Variants in CREBRF observed in about 807,000 individuals in gnomAD.
CREBRF encodes UPF0474 protein C5orf41.
A neutral mutation model predicts 66.1 loss-of-function variants in CREBRF; 5 were observed. The ratio of observed to expected loss-of-function variants is 0.08; its 90% CI spans 0.04 to 0.16. CREBRF has a LOEUF of 0.16. Among genes scored for constraint, CREBRF ranks in the 10% least tolerant of loss-of-function variants. The pLI is 1.00. For missense variants in CREBRF, 531 were observed against 744.9 expected, an observed-to-expected ratio of 0.71 and a Z score of 3.34; for synonymous variants, 229 against 264.4, an observed-to-expected ratio of 0.87 and a Z score of 1.30.
chr5:173,127,173 T>C (rs1158743373), intron 8 of CREBRF, among the ~76,000 whole-genome samples: 2 of 149,744 alleles, frequency 1.3e-5, no homozygotes, highest in Non-Finnish European at 3.0e-5. Flanking sequence ...TTTTTTTTTT[T>C]TTTTTTTTTG....
intron 4 of CREBRF, among the ~76,000 whole-genome samples, chr5:173,107,503 G>A (rs1048425502): frequency 6.6e-6 from 1 of 152,144 alleles, no homozygotes; most frequent in African/African-American, 2.4e-5. Flanking sequence ...AAACAGTGAC[G>A]TTAATACAAA....
At chr5:173,069,907 A>ATTTTTT (rs112414901) in intron 1 of CREBRF, among the ~76,000 whole-genome samples, 1 of 145,850 alleles carries the variant, frequency 6.9e-6, no homozygotes, top group African/African-American at 2.5e-5. Flanking sequence ...GAAGGAAACA[A>ATTTTTT]TTTTTTTTTT....
rs1204844576 is a variant in CREBRF at position 173,108,629 on chromosome 5, G to A, written c.1228G>A (p.Glu410Lys). The A allele has an allele frequency of 6.2e-7, 1 of 1,603,680 alleles. No homozygotes were observed. Among genetic ancestry groups the A allele is most frequent in the Non-Finnish European group, 8.5e-7 (1 of 1,177,626 alleles). ...TTGCGGGACCTTTTTTTAAGGCTAT[G>A]AAAATGATTCTGTAGAAGACCTGAA... ...ISDTFSEPGY[E>K]NDSVEDLKEV... Residue 410 changes from glutamate (E) to lysine (K), a missense_variant, in exon 5 of 9, where the codon GAA (glutamate) becomes AAA (lysine). Glu to Lys is a moderately conservative substitution (Grantham distance 56). Coordinates refer to ENST00000296953, the MANE Select transcript of CREBRF (RefSeq NM_153607.3).
rs532531250 is a variant in CREBRF, at chr5:173,079,466, T to A, written c.-191-1119T>A. On this transcript the variant is annotated intron_variant, in intron 1 of 8. Transcript: ENST00000296953. Reference sequence around the variant, plus strand: ...TGACAGAGTGAGACTCTGTCTTTTTTAAAAAAAAAAAAAAAAAAGGAAATT... The same window carrying A: ...TGACAGAGTGAGACTCTGTCTTTTTAAAAAAAAAAAAAAAAAAAGGAAATT... Among the ~76,000 whole-genome samples, 978 of 131,000 alleles carry A rather than the reference T, an allele frequency of 7.5e-3. 6 individuals are homozygous for A. The highest frequency in any genetic ancestry group is 0.017 in the African/African-American group (611 of 35,606). 85.9% of individuals were successfully genotyped at this position (131,000 alleles called of 152,430 possible).
chr5:173,093,070 C>A (rs893540811), intron 4 of CREBRF, among the ~76,000 whole-genome samples: 9 of 152,014 alleles, frequency 5.9e-5, no homozygotes, highest in South Asian at 2.1e-4. Context: ...CATAAGTGGT[C>A]CTTAAAGTCT....
chr5:173,108,191 C>G (rs1758793066), intron 4 of CREBRF, among the ~76,000 whole-genome samples: 1 of 151,884 alleles, frequency 6.6e-6, no homozygotes, highest in South Asian at 2.1e-4. Context: ...AAGAAGTATA[C>G]ATAGCTTTCT....
chr5:173,089,996 T>A (rs1306743297), intron 3 of CREBRF, among the ~76,000 whole-genome samples: 3 of 152,100 alleles, frequency 2.0e-5, no homozygotes, highest in Non-Finnish European at 4.4e-5. Context: ...GATAAGGAAA[T>A]GTAAACTTTT....
At chr5:173,068,337 C>T (rs1757495332) in intron 1 of CREBRF, among the ~76,000 whole-genome samples, 1 of 152,184 alleles carries the variant, frequency 6.6e-6, no homozygotes, top group South Asian at 2.1e-4. Flanking sequence ...TATCTCAACA[C>T]TTTTGAGACA....
At chr5:173,129,740 AC>A in intron 8 of CREBRF, among the ~76,000 whole-genome samples, 1 of 149,722 alleles carries the variant, frequency 6.7e-6, no homozygotes, top group Non-Finnish European at 1.5e-5. Flanking sequence ...AAAAAAAAAT[AC>A]ACACACACAA....
chr5:173,128,968 G>A (rs1056873915), intron 8 of CREBRF, among the ~76,000 whole-genome samples: 5 of 151,738 alleles, frequency 3.3e-5, no homozygotes, highest in African/African-American at 7.3e-5. Flanking sequence ...TTTTAGTGGA[G>A]ATGGGGTTTC....
intron 7 of CREBRF, among the ~76,000 whole-genome samples, chr5:173,121,140 T>C (rs1443689980): frequency 6.6e-6 from 1 of 152,228 alleles, no homozygotes; most frequent in African/African-American, 2.4e-5. Flanking sequence ...TTTTCGTTAC[T>C]GATATGAGTG....
intron 1 of CREBRF, among the ~76,000 whole-genome samples, chr5:173,067,175 A>T (rs1030288628): frequency 6.6e-6 from 1 of 152,162 alleles, no homozygotes; most frequent in Non-Finnish European, 1.5e-5. Flanking sequence ...TTATCTGTTT[A>T]TCAGTGGGTA....
chr5:173,114,629 T>A (rs1463295870), intron 7 of CREBRF, among the ~76,000 whole-genome samples: 1 of 152,226 alleles, frequency 6.6e-6, no homozygotes, highest in African/African-American at 2.4e-5. Flanking sequence ...ATTTTTAATA[T>A]GTCATGAACT....
At chr5:173,101,203 T>G (rs1396305021) in intron 4 of CREBRF, among the ~76,000 whole-genome samples, 2 of 147,416 alleles carry the variant, frequency 1.4e-5, no homozygotes, top group Non-Finnish European at 3.0e-5. Flanking sequence ...CTGAGGTGTA[T>G]GCCACCACAC....
Position 173,121,865 on chromosome 5 carries a change from T to G in CREBRF, c.1682-1215T>G, listed in dbSNP as rs948946361. Among the ~76,000 whole-genome samples, 18 of 152,020 alleles carry G rather than the reference T, an allele frequency of 1.2e-4. 1 individual carries two copies. The highest frequency in any genetic ancestry group is 4.4e-4 in the African/African-American group (18 of 41,342). On this transcript the variant is annotated intron_variant, in intron 7 of 8. Coordinates refer to ENST00000296953, the MANE Select transcript of CREBRF (RefSeq NM_153607.3). ...TGTTGTCTTTTTTCCTTGCCATTTT[T>G]TTTAGTTGGAGATGGGGTCTCACTG... is the stretch of plus-strand genomic sequence containing the variant.
chr5:173,117,379 CA>C lies in CREBRF; in HGVS notation c.1681+5015del, dbSNP rs200049277. 3.3e-3 allele frequency among the ~76,000 whole-genome samples: 461 copies of C among 138,646 alleles called. 3 individuals carry two copies. Among genetic ancestry groups the C allele is most frequent in the Middle Eastern group, 7.4e-3 (2 of 270 alleles). 91.0% of individuals were successfully genotyped at this position (138,646 alleles called of 152,430 possible). ...GGGCAACAAGAGTGAAACTCTGTCT[CA>C]AAAAAAAAAAAAAATAAGTAAGTAA... On this transcript the variant is annotated intron_variant, in intron 7 of 8. Coordinates refer to ENST00000296953, the MANE Select transcript of CREBRF (RefSeq NM_153607.3).
chr5:173,082,303 G>A (rs145543953), intron 2 of CREBRF, among the ~76,000 whole-genome samples: 14,146 of 89,538 alleles, frequency 0.16, 786 homozygotes, highest in Non-Finnish European at 0.27. Flanking sequence ...GTGAGCCACC[G>A]TGCCTGGCCG....
intron 2 of CREBRF, among the ~76,000 whole-genome samples, chr5:173,081,533 T>A (rs1757941836): frequency 6.6e-6 from 1 of 152,166 alleles, no homozygotes; most frequent in East Asian, 1.9e-4. Context: ...GAGCTATCCC[T>A]TGAGCACAGG....
rs530963607 is a variant in CREBRF at position 173,136,251 on chromosome 5, G to GT, written c.*2509dup. 5.7e-4 allele frequency: 87 copies of GT among 151,924 alleles called. No individual in the cohort carries two copies. Among genetic ancestry groups the GT allele is most frequent in the African/African-American group, 2.1e-3 (86 of 41,374 alleles). The allele number at this position is 151,924 out of a possible 1,614,324, so 9.4% of individuals were successfully genotyped here. On this transcript the variant is annotated 3_prime_UTR_variant, in exon 9 of 9. Coordinates refer to ENST00000296953, the MANE Select transcript of CREBRF (RefSeq NM_153607.3). The stretch of plus-strand genomic sequence containing the variant: ...TCAAAAAAAAAAAGACTTTGAATCT[G>GT]TTTAGTAGATTCCATATCTTTGAGT...
Sources: allele counts gnomAD v4.1 joint callset (sites outside exome capture counted in the v4.1 genomes callset), GRCh38; gene constraint gnomAD v4.1.1; transcripts MANE v1.5; gene names NCBI Gene and HGNC (gene_info 2026-07-23, HGNC 2026-07-21).